The following SCLT1 variants were observed in gnomAD, a reference collection of about 807,000 sequenced individuals.
SCLT1 encodes sodium channel-associated protein 1.
A neutral mutation model predicts 112.8 loss-of-function variants in SCLT1; 78 were observed. The ratio of observed to expected loss-of-function variants is 0.69; its 90% CI spans 0.58 to 0.83. The LOEUF is 0.83. Ranked by LOEUF, SCLT1 falls within the 40% of genes least tolerant of loss-of-function variation. The pLI is 0.00. For synonymous variants in SCLT1, 257 were observed against 254.7 expected (o/e 1.01, Z -0.09); for missense variants, 747 against 770.4 (o/e 0.97, Z 0.36).
chr4:128,890,574 C>A (rs1000517110), intron 19 of SCLT1, among the ~76,000 whole-genome samples: 4 of 151,990 alleles, frequency 2.6e-5, no homozygotes, highest in Non-Finnish European at 5.9e-5. Context: ...TCTAAAAAGC[C>A]TCAATCATAA....
downstream of SCLT1, among the ~76,000 whole-genome samples, chr4:128,883,279 A>C (rs1238116633): frequency 6.6e-6 from 1 of 151,978 alleles, no homozygotes; most frequent in Non-Finnish European, 1.5e-5. Flanking sequence ...GGGGAAGAAT[A>C]GTGTGGGAGG....
intron 18 of SCLT1, among the ~76,000 whole-genome samples, chr4:128,902,452 T>G (rs1029891643): frequency 2.6e-5 from 4 of 152,224 alleles, no homozygotes; most frequent in African/African-American, 9.6e-5. Flanking sequence ...TACAGCATGT[T>G]ACTGTAGTGA....
At chr4:129,076,834 T>C (rs1472680590) in intron 2 of SCLT1, among the ~76,000 whole-genome samples, 4 of 152,174 alleles carry the variant, frequency 2.6e-5, no homozygotes, top group South Asian at 2.1e-4. Flanking sequence ...TTTTTACTTA[T>C]ATAGAAAACA....
At chr4:128,969,164 C>T (rs1056108392) in intron 10 of SCLT1, among the ~76,000 whole-genome samples, 3 of 152,196 alleles carry the variant, frequency 2.0e-5, no homozygotes, top group Admixed American at 1.3e-4. Flanking sequence ...GTCCCTCCCC[C>T]ACTTCCATAT....
At chr4:129,029,541 G>A (rs57138603) in intron 5 of SCLT1, among the ~76,000 whole-genome samples, 2 of 148,238 alleles carry the variant, frequency 1.3e-5, no homozygotes, top group East Asian at 2.0e-4. Context: ...GTGGAGGGAG[G>A]GGGGAGGGAT....
chr4:128,954,967 C>T (rs1739099584), intron 13 of SCLT1, among the ~76,000 whole-genome samples: 1 of 152,114 alleles, frequency 6.6e-6, no homozygotes. Flanking sequence ...ATACAGCTAA[C>T]TTGAGGGTTT....
chr4:128,927,438 G>T (rs937014978), intron 18 of SCLT1, among the ~76,000 whole-genome samples: 2 of 151,966 alleles, frequency 1.3e-5, no homozygotes, highest in African/African-American at 2.4e-5. Context: ...AGCCAGCTGT[G>T]GTGGTGGACA....
At chr4:129,018,981 A>G (rs939458241) in intron 5 of SCLT1, among the ~76,000 whole-genome samples, 19 of 152,206 alleles carry the variant, frequency 1.2e-4, no homozygotes, top group Non-Finnish European at 1.9e-4. Flanking sequence ...TAGTGCTTTT[A>G]AATTAAATTT....
intron 18 of SCLT1, among the ~76,000 whole-genome samples, chr4:128,893,683 C>T (rs1468860377): frequency 6.6e-6 from 1 of 151,972 alleles, no homozygotes; most frequent in Non-Finnish European, 1.5e-5. Context: ...GCTGGGACTA[C>T]AGGCGCCCGC....
intron 5 of SCLT1, chr4:129,037,724 G>A (rs1747307543): frequency 6.6e-6 from 1 of 152,160 alleles, no homozygotes; most frequent in Admixed American, 6.5e-5. Flanking sequence ...TGTTTACTGT[G>A]TTGAGACTGA....
intron 15 of SCLT1, among the ~76,000 whole-genome samples, chr4:128,947,808 G>A (rs1738307557): frequency 6.6e-6 from 1 of 151,988 alleles, no homozygotes; most frequent in African/African-American, 2.4e-5. Flanking sequence ...ATTAAAATCT[G>A]TACTTCTAAA....
intron 5 of SCLT1, among the ~76,000 whole-genome samples, chr4:129,010,767 G>A (rs187046168): frequency 6.6e-6 from 1 of 152,228 alleles, no homozygotes; most frequent in East Asian, 1.9e-4. Context: ...TTTACACATT[G>A]ATTTTGTATC....
intron 2 of SCLT1, among the ~76,000 whole-genome samples, chr4:129,053,765 T>A (rs1749081459): frequency 1.3e-5 from 2 of 152,026 alleles, no homozygotes; most frequent in African/African-American, 2.4e-5. Flanking sequence ...TTAAGGTTAA[T>A]ATTGTCATGT....
At position 129,008,810 on chromosome 4, in the gene SCLT1, C is replaced by T. The variant is rs144877624; in HGVS notation, c.291-4934G>A. 7.0e-4 allele frequency among the ~76,000 whole-genome samples: 107 copies of T among 152,240 alleles called. 2 individuals carry two copies. The highest frequency in any genetic ancestry group is 2.5e-3 in the African/African-American group (104 of 41,534). On this transcript the variant is annotated intron_variant, in intron 5 of 20. Coordinates refer to ENST00000281142, the MANE Select transcript of SCLT1 (RefSeq NM_144643.4). ...ATTCTTTTTCCTGATCCTCTCCCTC[C>T]TCCCAGCCTCCACCCATTGATAGGC... is the stretch of plus-strand genomic sequence containing the variant.
intron 17 of SCLT1, 94 bp from the exon 18 acceptor site, chr4:128,936,945 G>T: frequency 5.6e-6 from 3 of 537,958 alleles, no homozygotes; most frequent in East Asian, 3.4e-5. Flanking sequence ...TCATTATGTT[G>T]TCTGAGGGAC....
At chr4:128,917,308 G>C (rs1360310630) in intron 18 of SCLT1, among the ~76,000 whole-genome samples, 1 of 151,936 alleles carries the variant, frequency 6.6e-6, no homozygotes, top group Admixed American at 6.6e-5. Context: ...CTCACACAAA[G>C]TAATATAGTT....
chr4:129,008,493 T>C (rs934874899), intron 5 of SCLT1, among the ~76,000 whole-genome samples: 2 of 152,228 alleles, frequency 1.3e-5, no homozygotes, highest in African/African-American at 4.8e-5. Context: ...TGATGCATGG[T>C]GTTTCTTTAA....
intron 7 of SCLT1, 129 bp from the exon 8 acceptor site, chr4:128,998,068 T>C: frequency 2.4e-6 from 1 of 415,432 alleles, no homozygotes; most frequent in Non-Finnish European, 4.3e-6. Context: ...GTGTTTCTTA[T>C]TACTATTGTG....
At chr4:129,005,123 T>C (rs1419506947) in intron 5 of SCLT1, among the ~76,000 whole-genome samples, 2 of 152,128 alleles carry the variant, frequency 1.3e-5, no homozygotes, top group African/African-American at 4.8e-5. Context: ...ACATACTGTA[T>C]TGCTAATACT....
Sources: gnomAD v4.1 joint callset for allele counts (sites outside exome capture counted in the v4.1 genomes callset) on GRCh38, gnomAD v4.1.1 for gene constraint, MANE v1.5 for transcripts, NCBI Gene and HGNC (gene_info 2026-07-23, HGNC 2026-07-21) for gene names.